KIF1B: variants seen among roughly 807,000 people sequenced by gnomAD.
KIF1B encodes the protein kinesin family member 1B, also known as kinesin-like protein KIF1B.
Under a neutral mutation model 241.9 loss-of-function variants are expected in KIF1B, and 76 were observed. The observed-to-expected ratio is 0.31, with a 90% CI of 0.26 to 0.38. KIF1B has a LOEUF of 0.38. Among genes scored for constraint, KIF1B ranks in the 10% least tolerant of loss-of-function variants. The pLI is 1.00. For synonymous variants in KIF1B, 750 were observed against 796.7 expected (o/e 0.94, Z 0.99); for missense variants, 1,622 against 2,271.4 (o/e 0.71, Z 5.81).
chr1:10,338,541 A>G (rs896432180), intron 31 of KIF1B, among the ~76,000 whole-genome samples: 3 of 152,232 alleles, frequency 2.0e-5, no homozygotes, highest in Non-Finnish European at 2.9e-5. Context: ...AACTGTTGCT[A>G]TTATTCTAAT....
intron 22 of KIF1B, among the ~76,000 whole-genome samples, chr1:10,302,271 G>T (rs1463822469): frequency 6.6e-6 from 1 of 151,964 alleles, no homozygotes; most frequent in Non-Finnish European, 1.5e-5. Context: ...TTGTGTGTGT[G>T]AAAAACAAGA....
chr1:10,276,410 T>C lies in KIF1B; in HGVS notation c.1037+11T>C, dbSNP rs990701421. ...TTTGAGCACTCTGAGGTACTTTCTT[T>C]TGATCTCAGTAACAACATAGACCAC... On this transcript the variant is annotated intron_variant, in intron 12 of 48. Transcript: ENST00000676179. 78 of 1,603,108 alleles carry C rather than the reference T, an allele frequency of 4.9e-5. No individual in the cohort carries two copies. The highest frequency in any genetic ancestry group is 6.6e-5 in the Non-Finnish European group (77 of 1,170,548).
chr1:10,258,741 T>A, intron 4 of KIF1B, 69 bp downstream of exon 4: 1 of 1,483,300 alleles, frequency 6.7e-7, no homozygotes, highest in Non-Finnish European at 9.3e-7. Context: ...CTTTAACAGT[T>A]ATTTTTATTT....
Position 10,311,988 on chromosome 1 carries a change from C to T in KIF1B, c.2116-8055C>T, listed in dbSNP as rs571407620. Among the ~76,000 whole-genome samples the T allele has an allele frequency of 2.9e-4, 44 of 151,472 alleles. 3 individuals carry two copies. Among genetic ancestry groups the T allele is most frequent in the African/African-American group, 8.6e-4 (35 of 40,764 alleles). ...TTTCACATACTTTCCCAGTGTAACA[C>T]GGCTACTCAGCGGGAGAGCCAGAGC... is the stretch of plus-strand genomic sequence containing the variant. On this transcript the variant is annotated intron_variant, in intron 22 of 48. Transcript: ENST00000676179.
intron 24 of KIF1B, among the ~76,000 whole-genome samples, chr1:10,322,661 A>T (rs1381191767): frequency 6.6e-6 from 1 of 152,118 alleles, no homozygotes; most frequent in Non-Finnish European, 1.5e-5. Flanking sequence ...CTAGAACTAA[A>T]TTCTAGTTTT....
intron 7 of KIF1B, among the ~76,000 whole-genome samples, chr1:10,271,193 A>AT (rs1336494100): frequency 6.0e-5 from 9 of 150,178 alleles, no homozygotes; most frequent in African/African-American, 1.7e-4. Flanking sequence ...ATTAAAAAAA[A>AT]TTTTTTTTTA....
At chr1:10,348,563 T>A (rs1652671395) in intron 36 of KIF1B, 86 bp from the exon 37 acceptor site, 1 of 951,118 alleles carries the variant, frequency 1.1e-6, no homozygotes, top group South Asian at 1.4e-5. Context: ...TCATCCCCCA[T>A]GCCATGCCAT....
chr1:10,269,315 C>T (rs932443258), intron 7 of KIF1B, among the ~76,000 whole-genome samples: 1 of 151,350 alleles, frequency 6.6e-6, no homozygotes, highest in African/African-American at 2.4e-5. Flanking sequence ...GAGTTTGGGA[C>T]CAGCCTGGCC....
chr1:10,377,277 T>C lies in KIF1B; in HGVS notation c.*690T>C. ...TTTTACGGCATAATTATGGAATTTT[T>C]ATTTACTGGTAGAGAGGAGACGAGA... On this transcript the variant is annotated 3_prime_UTR_variant, in exon 49 of 49. Transcript: ENST00000676179. The C allele has an allele frequency of 4.4e-6, 1 of 229,484 alleles. No individual in the cohort carries two copies. The highest frequency in any genetic ancestry group is 8.7e-6 in the Non-Finnish European group (1 of 115,500). The allele number at this position is 229,484 out of a possible 1,614,324, so 14.2% of individuals were successfully genotyped here.
intron 1 of KIF1B, among the ~76,000 whole-genome samples, chr1:10,214,569 T>G (rs1418933999): frequency 6.7e-6 from 1 of 150,104 alleles, no homozygotes; most frequent in African/African-American, 2.5e-5. Context: ...ATTACAGGCA[T>G]GAGCCACCGT....
At position 10,279,094 on chromosome 1, in the gene KIF1B, C is replaced by A; in HGVS notation, c.1181-3C>A. 1 of 1,545,846 alleles carries A rather than the reference C, an allele frequency of 6.5e-7. No individual in the cohort carries two copies. The highest frequency in any genetic ancestry group is 8.8e-7 in the Non-Finnish European group (1 of 1,142,702). On this transcript the variant is annotated splice_polypyrimidine_tract_variant and splice_region_variant and intron_variant, in intron 13 of 48. Coordinates refer to ENST00000676179, the MANE Select transcript of KIF1B (RefSeq NM_001365951.3). ...TCGTATTTTCCCTCCTGCTTACCTT[C>A]AGTTGATCCATTGATCGATGATTAC...
intron 5 of KIF1B, among the ~76,000 whole-genome samples, chr1:10,264,849 C>T (rs1218288969): frequency 6.6e-6 from 1 of 152,062 alleles, no homozygotes; most frequent in African/African-American, 2.4e-5. Context: ...TTTTAGTAGA[C>T]ACAGGGTTTC....
intron 22 of KIF1B, chr1:10,306,939 G>A (rs1650860934): frequency 9.6e-7 from 1 of 1,045,032 alleles, no homozygotes; most frequent in South Asian, 4.6e-5. Flanking sequence ...TGGTGATTAG[G>A]TAATACTGTA....
At chr1:10,356,672 C>T (rs777752498) in intron 38 of KIF1B, among the ~76,000 whole-genome samples, 39 of 151,976 alleles carry the variant, frequency 2.6e-4, no homozygotes, top group Non-Finnish European at 5.3e-4. Context: ...GAGACCGAGG[C>T]GGGCGGATCA....
intron 27 of KIF1B, among the ~76,000 whole-genome samples, chr1:10,334,257 T>A (rs1476589656): frequency 6.6e-6 from 1 of 151,582 alleles, no homozygotes; most frequent in Non-Finnish European, 1.5e-5. Context: ...CAGGTGTGAC[T>A]CTTCTCCCTA....
chr1:10,273,098 A>G (rs1300665131), intron 10 of KIF1B, 67 bp downstream of exon 10: 5 of 1,192,028 alleles, frequency 4.2e-6, no homozygotes, highest in Non-Finnish European at 6.0e-6. Context: ...ACTAGGATGT[A>G]TGGAGGCATA....
rs1277944646 is a variant in KIF1B, at chr1:10,256,305, C to T, written c.165C>T (p.Ser55=). 6.2e-7 allele frequency: 1 copy of T among 1,610,496 alleles called. No homozygotes were observed. The highest frequency in any genetic ancestry group is 8.5e-7 in the Non-Finnish European group (1 of 1,176,824). The change falls in exon 3 of 49, where the codon TCC becomes TCT. Residue 55 remains serine, a synonymous_variant. Transcript: ENST00000676179. The part of the protein sequence containing the change: ...EAPKSFSFDY[S]YWSHTSPEDP... The stretch of plus-strand genomic sequence containing the variant: ...CAAAGTCCTTCAGCTTCGACTATTC[C>T]TACTGGTCTCATACCTCAGTGAGTA...
chr1:10,237,733 C>T (rs546733928), intron 2 of KIF1B, among the ~76,000 whole-genome samples: 69 of 152,216 alleles, frequency 4.5e-4, no homozygotes, highest in Middle Eastern at 6.8e-3. Flanking sequence ...GGGGTGGGTG[C>T]AGTGACTCAA....
At chr1:10,339,886 A>G in intron 32 of KIF1B, 27 bp downstream of exon 32, 1 of 1,590,552 alleles carries the variant, frequency 6.3e-7, no homozygotes, top group Non-Finnish European at 8.6e-7. Context: ...TTTTTGCCAA[A>G]CATATGTTTT....
Sources: allele counts gnomAD v4.1 joint callset (sites outside exome capture counted in the v4.1 genomes callset), GRCh38; gene constraint gnomAD v4.1.1; transcripts MANE v1.5; gene names NCBI Gene and HGNC (gene_info 2026-07-23, HGNC 2026-07-21).